Variants in RABGAP1L observed in about 807,000 individuals in gnomAD.
RABGAP1L encodes rab GTPase-activating protein 1-like.
A neutral mutation model predicts 137.7 loss-of-function variants in RABGAP1L; 63 were observed. The ratio of observed to expected loss-of-function variants is 0.46; its 90% confidence interval spans 0.37 to 0.56. RABGAP1L has a LOEUF of 0.56. Among genes scored for constraint, RABGAP1L ranks in the 20% least tolerant of loss-of-function variants. RABGAP1L has a pLI of 0.00. For missense variants in RABGAP1L, 1,095 were observed against 1,244.0 expected (o/e 0.88, Z 1.80); for synonymous variants, 431 against 433.7 (o/e 0.99, Z 0.08).
chr1:174,352,170 G>A (rs1368071194), intron 11 of RABGAP1L, among the ~76,000 whole-genome samples: 2 of 152,038 alleles, frequency 1.3e-5, no homozygotes, highest in Non-Finnish European at 2.9e-5. Context: ...CTCTCTCTCT[G>A]CCTCCTCTTT....
At chr1:174,479,171 TGAGGTCC>T (rs1658817083) in intron 13 of RABGAP1L, among the ~76,000 whole-genome samples, 1 of 152,240 alleles carries the variant, frequency 6.6e-6, no homozygotes, top group African/African-American at 2.4e-5. Context: ...GGCATGGGCC[TGAGGTCC>T]TGCATTTCTA....
At chr1:174,656,533 C>G (rs1309547906) in intron 14 of RABGAP1L, among the ~76,000 whole-genome samples, 1 of 152,220 alleles carries the variant, frequency 6.6e-6, no homozygotes, top group East Asian at 1.9e-4. Context: ...ACCATTACTA[C>G]TGTTTAATTT....
intron 5 of RABGAP1L, among the ~76,000 whole-genome samples, chr1:174,247,166 G>A (rs753356034): frequency 1.3e-5 from 2 of 152,080 alleles, no homozygotes; most frequent in Non-Finnish European, 2.9e-5. Context: ...GCCTTCTGAT[G>A]TGACAAGCTG....
In RABGAP1L at chr1:174,615,105, G is replaced by A. The variant is rs553450346; in HGVS notation, c.1711-22270G>A. On this transcript the variant is annotated intron_variant, in intron 13 of 25. Coordinates refer to ENST00000681986, the MANE Select transcript of RABGAP1L (RefSeq NM_001366446.1). Reference sequence around the variant, plus strand: ...TCAAAGTCATTCTCCATCCTGCTTTGTTTCGTTGCTGGTGAGGAACTGCGT... The same window carrying A: ...TCAAAGTCATTCTCCATCCTGCTTTATTTCGTTGCTGGTGAGGAACTGCGT... 5.3e-5 allele frequency among the ~76,000 whole-genome samples: 8 copies of A among 152,306 alleles called. No homozygotes were observed. The South Asian group carries it at 1.0e-3, about 20-fold the overall frequency.
At chr1:174,515,005 A>T (rs1424702214) in intron 13 of RABGAP1L, among the ~76,000 whole-genome samples, 1 of 152,150 alleles carries the variant, frequency 6.6e-6, no homozygotes, top group Non-Finnish European at 1.5e-5. Context: ...TCATCCCATT[A>T]TATATTAATA....
intron 13 of RABGAP1L, among the ~76,000 whole-genome samples, chr1:174,428,273 C>T (rs7511918): frequency 4.6e-5 from 7 of 152,120 alleles, no homozygotes; most frequent in Admixed American, 6.5e-5. Context: ...CTGAGTGATA[C>T]AGAGATAAGC....
At chr1:174,420,610 C>T (rs1366839231) in intron 13 of RABGAP1L, among the ~76,000 whole-genome samples, 3 of 151,572 alleles carry the variant, frequency 2.0e-5, no homozygotes, top group African/African-American at 2.4e-5. Context: ...CTTTTAATTT[C>T]ATTCCTGATA....
intron 25 of RABGAP1L, among the ~76,000 whole-genome samples, chr1:174,989,329 C>A (rs559572469): frequency 6.6e-6 from 1 of 152,308 alleles, no homozygotes; most frequent in African/African-American, 2.4e-5. Flanking sequence ...ATAGTCCTGG[C>A]TTCTGATGGA....
intron 11 of RABGAP1L, among the ~76,000 whole-genome samples, chr1:174,327,992 T>TATATATACATAC (rs1680654701): frequency 3.5e-5 from 2 of 57,614 alleles, no homozygotes; most frequent in African/African-American, 1.6e-4. Flanking sequence ...CACACATATA[T>TATATATACATAC]ATATATATAT....
chr1:174,555,902 G>T (rs1490030399), intron 13 of RABGAP1L, among the ~76,000 whole-genome samples: 1 of 151,748 alleles, frequency 6.6e-6, no homozygotes, highest in Non-Finnish European at 1.5e-5. Context: ...TGAATGAATG[G>T]TTAGAAAAGA....
intron 4 of RABGAP1L, among the ~76,000 whole-genome samples, chr1:174,238,496 C>G (rs1671432096): frequency 6.6e-6 from 1 of 152,100 alleles, no homozygotes; most frequent in Non-Finnish European, 1.5e-5. Flanking sequence ...AGACAGGACC[C>G]TCAGCTGCAG....
intron 7 of RABGAP1L, among the ~76,000 whole-genome samples, chr1:174,272,122 A>G (rs2148661304): frequency 6.6e-6 from 1 of 152,082 alleles, no homozygotes; most frequent in East Asian, 1.9e-4. Flanking sequence ...ACTAATTTGT[A>G]TCTCAGTACC....
intron 12 of RABGAP1L, among the ~76,000 whole-genome samples, chr1:174,380,688 TATTA>T (rs1386645962): frequency 7.4e-5 from 11 of 148,036 alleles, no homozygotes; most frequent in African/African-American, 2.5e-4. Flanking sequence ...TTTTTTTCTT[TATTA>T]GTCTTGCTAG....
chr1:174,635,078 AAAG>A (rs2148331785), intron 13 of RABGAP1L, among the ~76,000 whole-genome samples: 1 of 151,876 alleles, frequency 6.6e-6, no homozygotes, highest in African/African-American at 2.4e-5. Flanking sequence ...AAAAGAAAAA[AAAG>A]AAAAAAATTA....
At chr1:174,614,743 A>G (rs1431944675) in intron 13 of RABGAP1L, among the ~76,000 whole-genome samples, 4 of 152,160 alleles carry the variant, frequency 2.6e-5, no homozygotes, top group Non-Finnish European at 4.4e-5. Context: ...GTCTTTTCAC[A>G]TAGTCCCATA....
rs539245710 is a variant in RABGAP1L at position 174,613,268 on chromosome 1, G to A, written c.1711-24107G>A. On this transcript the variant is annotated intron_variant, in intron 13 of 25. Transcript: ENST00000681986. ...TCTGGTATGTTGTGTCTTTGTTCTC[G>A]TTGGTTTCAAAGTACATCTTTATTT... Among the ~76,000 whole-genome samples, 10 of 152,116 alleles carry A rather than the reference G, an allele frequency of 6.6e-5. No individual in the cohort carries two copies. The South Asian group carries it at 1.5e-3, about 22-fold the overall frequency.
intron 18 of RABGAP1L, among the ~76,000 whole-genome samples, chr1:174,762,157 T>C (rs1411437452): frequency 6.6e-6 from 1 of 152,010 alleles, no homozygotes; most frequent in East Asian, 1.9e-4. Context: ...GAGAAGTAAA[T>C]TTTTTCTTGC....
chr1:174,590,331 T>C (rs1327814606), intron 13 of RABGAP1L, among the ~76,000 whole-genome samples: 22 of 140,426 alleles, frequency 1.6e-4, no homozygotes, highest in Admixed American at 5.1e-4. Flanking sequence ...GTATTGTTTT[T>C]TTTTCTTTTT....
chr1:174,973,979 G>GTTTTTTTTTTTT (rs58500594), intron 21 of RABGAP1L, among the ~76,000 whole-genome samples: 8 of 85,786 alleles, frequency 9.3e-5, no homozygotes, highest in African/African-American at 2.1e-4. Context: ...ATTGTTTTTT[G>GTTTTTTTTTTTT]TTTTTTTTTT....
Sources: gnomAD v4.1 joint callset for allele counts (sites outside exome capture counted in the v4.1 genomes callset) on GRCh38, gnomAD v4.1.1 for gene constraint, MANE v1.5 for transcripts, NCBI Gene and HGNC (gene_info 2026-07-23, HGNC 2026-07-21) for gene names.